RNF216: variants seen among roughly 807,000 people sequenced by gnomAD.
RNF216 encodes ring finger protein 216, also known as E3 ubiquitin-protein ligase RNF216.
In RNF216, 72 loss-of-function variants were observed where a neutral mutation model predicts 110.8. That is an observed-to-expected ratio of 0.65 (90% CI 0.54 to 0.79). The LOEUF (loss-of-function observed/expected upper bound fraction) is 0.79. Among genes scored for constraint, RNF216 ranks in the 30% least tolerant of loss-of-function variants. The pLI, the probability that RNF216 is intolerant of heterozygous loss-of-function variation, is 0.00. For missense variants in RNF216, 1,342 were observed against 1,141.2 expected, an observed-to-expected ratio of 1.18 and a Z score of -2.54; for synonymous variants, 495 against 407.5, an observed-to-expected ratio of 1.21 and a Z score of -2.59.
chr7:5,771,920 A>G (rs1796516093), intron 1 of RNF216, among the ~76,000 whole-genome samples: 1 of 152,080 alleles, frequency 6.6e-6, no homozygotes, highest in African/African-American at 2.4e-5. Flanking sequence ...ACATTATGAG[A>G]CATCAGAGAA....
Position 5,712,763 on chromosome 7 carries a change from C to T in RNF216, c.1934G>A (p.Arg645Gln). The change falls in exon 12 of 17, where the codon CGA (arginine) becomes CAA (glutamine). Residue 645 changes from arginine (R) to glutamine (Q), a missense_variant. Coordinates refer to ENST00000389902, the MANE Select transcript of RNF216 (RefSeq NM_207111.4). The stretch of plus-strand genomic sequence containing the variant: ...TGCCGCAACCTCCTCCTCGGCTTTT[C>T]GCTCATAGTACTTATACAGGATGGT... ...PQTILYKYYERKAEEEVAAAY... is the reference protein window; with the variant it reads ...PQTILYKYYEQKAEEEVAAAY... 6.2e-6 allele frequency: 10 copies of T among 1,614,060 alleles called. No individual in the cohort carries two copies. Among genetic ancestry groups the T allele is most frequent in the Non-Finnish European group, 7.6e-6 (9 of 1,180,026 alleles).
At chr7:5,779,159 A>G (rs958959586) in intron 1 of RNF216, among the ~76,000 whole-genome samples, 1 of 152,232 alleles carries the variant, frequency 6.6e-6, no homozygotes, top group Non-Finnish European at 1.5e-5. Flanking sequence ...AACACATTAA[A>G]TAGTAGCTGG....
At chr7:5,683,102 A>C (rs1790762579) in intron 13 of RNF216, among the ~76,000 whole-genome samples, 1 of 152,192 alleles carries the variant, frequency 6.6e-6, no homozygotes, top group Non-Finnish European at 1.5e-5. Flanking sequence ...CACTGTATGT[A>C]TGCAATGATT....
chr7:5,765,380 C>G lies in RNF216; in HGVS notation c.-69-4242G>C, dbSNP rs150504067. Among the ~76,000 whole-genome samples, 4 of 151,980 alleles carry G rather than the reference C, an allele frequency of 2.6e-5. No homozygotes were observed. The East Asian group carries it at 7.8e-4, about 30-fold the overall frequency. On this transcript the variant is annotated intron_variant, in intron 1 of 16. Transcript: ENST00000389902. Reference sequence around the variant, plus strand: ...TTGGGAGGCTGAGGTAAGAGAATTGCTTCAGCTTGGAAGGTGGAGGTTGCA... The same window carrying G: ...TTGGGAGGCTGAGGTAAGAGAATTGGTTCAGCTTGGAAGGTGGAGGTTGCA...
At chr7:5,736,877 C>T (rs553351652) in intron 5 of RNF216, among the ~76,000 whole-genome samples, 69 of 151,186 alleles carry the variant, frequency 4.6e-4, no homozygotes, top group African/African-American at 1.5e-3. Flanking sequence ...GGAGCCCCTC[C>T]GCCCGGCAGC....
Position 5,741,345 on chromosome 7 carries a change from G to A in RNF216, c.672C>T (p.Ile224=), listed in dbSNP as rs200751710. 1.1e-5 allele frequency: 18 copies of A among 1,613,984 alleles called. No homozygotes were observed. The highest frequency in any genetic ancestry group is 8.9e-5 in the East Asian group (4 of 44,900). ...ESAALADDQA[I]EEDCWLDHPY... ...GATGATCTAACCAGCAGTCTTCTTCGATGGCCTGATCATCTGCTAGAGCAG... is the reference window on the plus strand; with the variant it reads ...GATGATCTAACCAGCAGTCTTCTTCAATGGCCTGATCATCTGCTAGAGCAG... Residue 224 remains isoleucine (I), a synonymous_variant, in exon 4 of 17, where the codon ATC becomes ATT. Coordinates refer to ENST00000389902, the MANE Select transcript of RNF216 (RefSeq NM_207111.4).
intron 8 of RNF216, among the ~76,000 whole-genome samples, chr7:5,724,115 G>A (rs1793609823): frequency 6.6e-6 from 1 of 152,222 alleles, no homozygotes; most frequent in Non-Finnish European, 1.5e-5. Flanking sequence ...CAATGTGGGT[G>A]AAAAGAGCAA....
At chr7:5,705,700 G>A (rs1792233846) in intron 13 of RNF216, among the ~76,000 whole-genome samples, 1 of 152,126 alleles carries the variant, frequency 6.6e-6, no homozygotes, top group South Asian at 2.1e-4. Context: ...CCTGAGGTCA[G>A]GAGTTCGAGA....
At chr7:5,663,283 A>T (rs1031199585) in intron 13 of RNF216, among the ~76,000 whole-genome samples, 2 of 151,958 alleles carry the variant, frequency 1.3e-5, no homozygotes, top group Non-Finnish European at 2.9e-5. Context: ...TTCATCCAAT[A>T]AAAAAAAGTT....
intron 3 of RNF216, among the ~76,000 whole-genome samples, chr7:5,742,736 T>C (rs750290084): frequency 2.0e-4 from 30 of 151,814 alleles, no homozygotes; most frequent in Non-Finnish European, 3.5e-4. Flanking sequence ...GCTGGGATTA[T>C]AGGCGCACAC....
chr7:5,672,617 C>G (rs1584422518), intron 13 of RNF216, among the ~76,000 whole-genome samples: 1 of 152,170 alleles, frequency 6.6e-6, no homozygotes, highest in Admixed American at 6.5e-5. Context: ...CACTTACATA[C>G]ATTCTCTTGC....
Position 5,624,235 on chromosome 7 carries a change from G to C in RNF216, c.2383-110C>G, listed in dbSNP as rs1053211421. ...CTTATGGCCATGGAACAAGCCCGAA[G>C]CCTGCTGCTGGCCAGTGGGGCCTGG... On this transcript the variant is annotated intron_variant, in intron 15 of 16. Transcript: ENST00000389902. This position sits in a 1 kb window ranked among gnomAD's most constrained non-coding sequence, Gnocchi z 4.4. The C allele has an allele frequency of 1.2e-6, 1 of 855,466 alleles. No homozygotes were observed. The highest frequency in any genetic ancestry group is 1.7e-5 in the African/African-American group (1 of 60,026). 53.0% of individuals were successfully genotyped at this position (855,466 alleles called of 1,614,324 possible).
intron 15 of RNF216, among the ~76,000 whole-genome samples, chr7:5,636,655 C>T (rs778413785): frequency 1.3e-4 from 20 of 152,272 alleles, no homozygotes; most frequent in South Asian, 8.3e-4. Context: ...CGATCGGTCT[C>T]CTGGTGAGAA....
At chr7:5,642,408 T>C (rs1360205162) in intron 14 of RNF216, among the ~76,000 whole-genome samples, 1 of 152,104 alleles carries the variant, frequency 6.6e-6, no homozygotes, top group Non-Finnish European at 1.5e-5. Flanking sequence ...GAAATGGGGT[T>C]TCACCATGTT....
At chr7:5,759,624 A>G (rs1032709649) in intron 2 of RNF216, among the ~76,000 whole-genome samples, 8 of 42,980 alleles carry the variant, frequency 1.9e-4, no homozygotes, top group African/African-American at 7.0e-4. Flanking sequence ...TGGTGGAGTC[A>G]TTTTTCTTCT....
chr7:5,677,197 C>G (rs1790353127), intron 13 of RNF216, among the ~76,000 whole-genome samples: 2 of 152,204 alleles, frequency 1.3e-5, no homozygotes, highest in African/African-American at 4.8e-5. Context: ...TTAGAGCAAA[C>G]ACATGTGATT....
intron 13 of RNF216, among the ~76,000 whole-genome samples, chr7:5,653,872 G>A (rs1358548330): frequency 6.6e-6 from 1 of 152,134 alleles, no homozygotes; most frequent in East Asian, 1.9e-4. Flanking sequence ...GGCAGGCAAA[G>A]CCGGGCATGT....
At chr7:5,729,295 T>C in intron 7 of RNF216, 137 bp downstream of exon 7, 1 of 754,288 alleles carries the variant, frequency 1.3e-6, no homozygotes, top group East Asian at 2.5e-5. Flanking sequence ...CAAATACCCA[T>C]CTATTTATCT....
At chr7:5,757,450 T>C (rs1440595725) in intron 2 of RNF216, among the ~76,000 whole-genome samples, 2 of 152,190 alleles carry the variant, frequency 1.3e-5, no homozygotes, top group Non-Finnish European at 2.9e-5. Flanking sequence ...TGTACCTTTT[T>C]TCCTTCCTAA....
Sources: gnomAD v4.1 joint callset for allele counts (sites outside exome capture counted in the v4.1 genomes callset) on GRCh38, gnomAD v4.1.1 for gene constraint, Gnocchi (gnomAD v3.1) non-coding constraint, MANE v1.5 for transcripts, NCBI Gene and HGNC (gene_info 2026-07-23, HGNC 2026-07-21) for gene names.